The following BCL2L13 variants were observed in gnomAD, a reference collection of about 807,000 sequenced individuals.
BCL2L13 encodes BCL2 like 13.
In BCL2L13, 13 loss-of-function variants were observed where a neutral mutation model predicts 25.8. That is an observed-to-expected ratio of 0.50 (90% CI 0.33 to 0.80). The LOEUF is 0.80. BCL2L13 is among the 30% of genes least tolerant of loss of function. The pLI is 0.02. For missense variants in BCL2L13, 504 were observed against 574.9 expected (o/e 0.88, Z 1.26); for synonymous variants, 244 against 230.3 (o/e 1.06, Z -0.54).
chr22:17,720,981 A>G (rs995467662), intron 6 of BCL2L13, among the ~76,000 whole-genome samples: 10 of 151,896 alleles, frequency 6.6e-5, no homozygotes, highest in Non-Finnish European at 1.0e-4. Context: ...CCTGGCTAAC[A>G]TAGTAGAAAC....
chr22:17,641,989 C>A (rs370897178), intron 1 of BCL2L13, among the ~76,000 whole-genome samples: 1 of 151,438 alleles, frequency 6.6e-6, no homozygotes, highest in Admixed American at 6.6e-5. Flanking sequence ...TTAGTAAAGA[C>A]GGGGTTTCAC....
intron 4 of BCL2L13, among the ~76,000 whole-genome samples, chr22:17,691,847 T>A (rs1255491508): frequency 6.6e-6 from 1 of 151,602 alleles, no homozygotes; most frequent in Admixed American, 6.6e-5. Context: ...GAAAAATTGA[T>A]GTCTTCTCAC....
chr22:17,653,082 CAG>C (rs1306228220), intron 1 of BCL2L13, among the ~76,000 whole-genome samples: 1 of 151,920 alleles, frequency 6.6e-6, no homozygotes, highest in African/African-American at 2.4e-5. Context: ...AGAGAAAAAA[CAG>C]AGTGGTCGTA....
At chr22:17,630,851 A>G (rs1470989911) in intron 1 of BCL2L13, among the ~76,000 whole-genome samples, 2 of 151,812 alleles carry the variant, frequency 1.3e-5, no homozygotes, top group African/African-American at 4.8e-5. Flanking sequence ...TCCACCTCCC[A>G]AAGTGCTGGG....
intron 6 of BCL2L13, among the ~76,000 whole-genome samples, chr22:17,719,827 CAAAAAAAAAAAA>C (rs60474373): frequency 2.4e-4 from 22 of 91,136 alleles, no homozygotes; most frequent in African/African-American, 6.7e-4. Context: ...GACTCCATCT[CAAAAAAAAAAAA>C]AAAAAAAAAA....
chr22:17,718,100 GAGAAA>G (rs982046542), intron 6 of BCL2L13, among the ~76,000 whole-genome samples: 8 of 145,346 alleles, frequency 5.5e-5, no homozygotes, highest in South Asian at 2.4e-4. Flanking sequence ...AAGAAGAGAA[GAGAAA>G]AGAAAAGAAC....
chr22:17,700,738 T>G (rs150417185), intron 5 of BCL2L13, among the ~76,000 whole-genome samples: 92 of 152,082 alleles, frequency 6.0e-4, no homozygotes, highest in South Asian at 1.5e-3. Context: ...TAAGAAGGAG[T>G]TTTCAATATA....
intron 1 of BCL2L13, among the ~76,000 whole-genome samples, chr22:17,654,407 G>A (rs781432741): frequency 6.9e-6 from 1 of 145,698 alleles, no homozygotes; most frequent in Non-Finnish European, 1.5e-5. Context: ...CTAGCTTTTT[G>A]TCTTCTCTCT....
chr22:17,726,690 G>C lies in BCL2L13; in HGVS notation c.614G>C (p.Ser205Thr). The change falls in exon 7 of 7, where the codon AGT (serine) becomes ACT (threonine). Residue 205 changes from serine to threonine, a missense_variant. By Grantham distance (58) the Ser-to-Thr change is moderately conservative (BLOSUM62 1). Coordinates refer to ENST00000317582, the MANE Select transcript of BCL2L13 (RefSeq NM_015367.4). Reference sequence around the variant, plus strand: ...CTTCGTTTCTAGGGCACTGTGTTTAGTCTTGAGTCAGAGGAGGAGGAATAC... The same window carrying C: ...CTTCGTTTCTAGGGCACTGTGTTTACTCTTGAGTCAGAGGAGGAGGAATAC... ...IQQGGWGTVF[S>T]LESEEEEYPG... 1.2e-6 allele frequency: 2 copies of C among 1,613,704 alleles called. No homozygotes were observed. Among genetic ancestry groups the C allele is most frequent in the Non-Finnish European group, 1.7e-6 (2 of 1,179,714 alleles).
At chr22:17,649,468 A>C (rs1300235689) in intron 1 of BCL2L13, among the ~76,000 whole-genome samples, 3 of 151,730 alleles carry the variant, frequency 2.0e-5, no homozygotes, top group African/African-American at 7.3e-5. Context: ...AAATACTGAG[A>C]CTTTTTTATT....
At chr22:17,703,775 C>G (rs572917617) in intron 6 of BCL2L13, 3 of 151,984 alleles carry the variant, frequency 2.0e-5, no homozygotes, top group East Asian at 3.9e-4. Flanking sequence ...ATAAGAATTG[C>G]GACAATTTAT....
At chr22:17,700,201 T>C (rs111770164) in intron 5 of BCL2L13, among the ~76,000 whole-genome samples, 3 of 152,140 alleles carry the variant, frequency 2.0e-5, no homozygotes, top group Non-Finnish European at 4.4e-5. Context: ...AATGGATCAC[T>C]TTGCATTGCA....
intron 6 of BCL2L13, among the ~76,000 whole-genome samples, chr22:17,703,926 A>G (rs896097404): frequency 6.6e-6 from 1 of 152,352 alleles, no homozygotes; most frequent in Non-Finnish European, 1.5e-5. Context: ...AGAAAAATGC[A>G]GGGAATATTA....
At chr22:17,690,258 G>A (rs113916602) in intron 4 of BCL2L13, among the ~76,000 whole-genome samples, 9 of 151,654 alleles carry the variant, frequency 5.9e-5, no homozygotes, top group South Asian at 2.1e-4. Flanking sequence ...CCCAGGAGGC[G>A]GAGGTTGCAG....
intron 1 of BCL2L13, among the ~76,000 whole-genome samples, chr22:17,646,947 A>T (rs2058501641): frequency 8.3e-5 from 2 of 24,196 alleles, no homozygotes; most frequent in African/African-American, 1.8e-4. Context: ...ATATATATAT[A>T]TATATATATT....
At chr22:17,679,132 G>GATGACTC (rs2059658391) in intron 2 of BCL2L13, among the ~76,000 whole-genome samples, 1 of 152,092 alleles carries the variant, frequency 6.6e-6, no homozygotes, top group South Asian at 2.1e-4. Flanking sequence ...AGATTCCTAG[G>GATGACTC]ATGACTCTGA....
chr22:17,707,252 T>C (rs1450455393), intron 6 of BCL2L13, among the ~76,000 whole-genome samples: 4 of 152,204 alleles, frequency 2.6e-5, no homozygotes, highest in African/African-American at 9.6e-5. Context: ...TTTTTGTGGA[T>C]CTTCCTCATC....
In BCL2L13 at chr22:17,677,506, C is replaced by T. The variant is rs573088737; in HGVS notation, c.122-5708C>T. Among the ~76,000 whole-genome samples, 14 of 151,238 alleles carry T rather than the reference C, an allele frequency of 9.3e-5. No homozygotes were observed. In the South Asian group the frequency reaches 1.7e-3, roughly 18 times the overall value. Reference sequence around the variant, plus strand: ...CCAGCGTGAGGGAGGCCAAGGTGGGCGGCCTGCTTGAGCCCAGGAATTTGA... The same window carrying T: ...CCAGCGTGAGGGAGGCCAAGGTGGGTGGCCTGCTTGAGCCCAGGAATTTGA... On this transcript the variant is annotated intron_variant, in intron 2 of 6. Transcript: ENST00000317582.
intron 6 of BCL2L13, among the ~76,000 whole-genome samples, chr22:17,712,324 C>G (rs1340292733): frequency 6.6e-6 from 1 of 152,180 alleles, no homozygotes; most frequent in Non-Finnish European, 1.5e-5. Context: ...TCATCACTTT[C>G]CTGTTAGTGA....
Sources: allele counts gnomAD v4.1 joint callset (sites outside exome capture counted in the v4.1 genomes callset), GRCh38; gene constraint gnomAD v4.1.1; transcripts MANE v1.5; gene names NCBI Gene and HGNC (gene_info 2026-07-23, HGNC 2026-07-21).